The following IGSF10 variants were observed in gnomAD, a reference collection of about 807,000 sequenced individuals.
IGSF10 encodes calvaria mechanical force protein 608.
A neutral mutation model predicts 128.2 loss-of-function variants in IGSF10; 126 were observed. The observed-to-expected ratio is 0.98, with a 90% CI of 0.85 to 1.14. The LOEUF (loss-of-function observed/expected upper bound fraction) is 1.14. Among genes scored for constraint, IGSF10 ranks in the 50% most tolerant of loss-of-function variants. The pLI, the probability that IGSF10 is intolerant of heterozygous loss-of-function variation, is 0.00. For synonymous variants in IGSF10, 1,185 were observed against 1,146.2 expected, an observed-to-expected ratio of 1.03 and a Z score of -0.68; for missense variants, 3,295 against 3,149.8, an observed-to-expected ratio of 1.05 and a Z score of -1.10.
intron 5 of IGSF10, among the ~76,000 whole-genome samples, chr3:151,451,410 T>C (rs1721504154): frequency 6.6e-6 from 1 of 152,232 alleles, no homozygotes. Context: ...CTTATCTGTC[T>C]TCCCATGAAA....
At chr3:151,608,084 A>T in the IGSF10 span, among the ~76,000 whole-genome samples, 1 of 152,158 alleles carries the variant, frequency 6.6e-6, no homozygotes, top group Non-Finnish European at 1.5e-5. Context: ...AAAATTTCTT[A>T]AAAATACCAG....
rs1721916410 is a variant in IGSF10 at position 151,458,628 on chromosome 3, C to A, written c.82G>T (p.Ala28Ser). Reference protein sequence around the residue: ...ICLVATPGGKACPRRCACYMP... With the variant: ...ICLVATPGGKSCPRRCACYMP... ...TAACAGGCACAGCGGCGAGGACAGG[C>A]CTTGCCCCCAGGGGTGGCGACCAGG... is the stretch of plus-strand genomic sequence containing the variant. The change falls in exon 3 of 8, where the codon GCC becomes TCC. Residue 28 changes from alanine to serine, a missense_variant. Ala to Ser is a moderately conservative substitution (Grantham distance 99, BLOSUM62 1). Transcript: ENST00000282466. 1 of 1,614,166 alleles carries A rather than the reference C, an allele frequency of 6.2e-7. No individual in the cohort carries two copies. The highest frequency in any genetic ancestry group is 8.5e-7 in the Non-Finnish European group (1 of 1,180,014).
At position 151,446,542 on chromosome 3, in the gene IGSF10, G is replaced by T; in HGVS notation, c.3439C>A (p.Pro1147Thr). The stretch of plus-strand genomic sequence containing the variant: ...GTTTTTTCCATGGGTATGGATGTTG[G>T]AGCATATGTCATGACTGCACCAGTT... Reference protein sequence around the residue: ...TPTGAVMTYAPTSIPMEKTHK... With the variant: ...TPTGAVMTYATTSIPMEKTHK... The change falls in exon 6 of 8, where the codon CCA becomes ACA. Residue 1147 changes from proline (P) to threonine (T), a missense_variant. Pro to Thr is a conservative substitution (Grantham distance 38). Coordinates refer to ENST00000282466, the MANE Select transcript of IGSF10 (RefSeq NM_178822.5). The T allele has an allele frequency of 6.2e-7, 1 of 1,614,106 alleles. No individual in the cohort carries two copies. The highest frequency in any genetic ancestry group is 8.5e-7 in the Non-Finnish European group (1 of 1,179,986).
chr3:151,516,722 G>T, the IGSF10 span, among the ~76,000 whole-genome samples: 1 of 151,810 alleles, frequency 6.6e-6, no homozygotes, highest in African/African-American at 2.4e-5. Flanking sequence ...AGAGAACATT[G>T]CCTGGAACAT....
the IGSF10 span, among the ~76,000 whole-genome samples, chr3:151,588,451 T>C: frequency 1.3e-5 from 2 of 152,160 alleles, no homozygotes; most frequent in Admixed American, 6.6e-5. Context: ...TTTTTCCCTA[T>C]AGCAAAACTT....
the IGSF10 span, among the ~76,000 whole-genome samples, chr3:151,513,165 A>G: frequency 6.6e-6 from 1 of 152,226 alleles, no homozygotes; most frequent in Admixed American, 6.5e-5. Context: ...CAACAAAAAA[A>G]AGAGAATTTT....
At chr3:151,611,395 G>A in the IGSF10 span, among the ~76,000 whole-genome samples, 20 of 152,222 alleles carry the variant, frequency 1.3e-4, no homozygotes, top group African/African-American at 3.9e-4. Context: ...TTTGCCTGAG[G>A]CCACATGGGC....
the IGSF10 span, among the ~76,000 whole-genome samples, chr3:151,528,484 G>A: frequency 6.6e-6 from 1 of 152,184 alleles, no homozygotes; most frequent in African/African-American, 2.4e-5. Flanking sequence ...GGTGATTTCT[G>A]CATTTCCAAC....
chr3:151,607,968 TC>T, the IGSF10 span, among the ~76,000 whole-genome samples: 1 of 149,284 alleles, frequency 6.7e-6, no homozygotes, highest in Admixed American at 6.7e-5. Context: ...AAAGTAGAGT[TC>T]CTATAGACAT....
rs766257083 is a variant in IGSF10 at position 151,447,638 on chromosome 3, TG to T, written c.2342del (p.Pro781GlnfsTer34). 1 of 1,614,140 alleles carries T rather than the reference TG, an allele frequency of 6.2e-7. No individual in the cohort carries two copies. Among genetic ancestry groups the T allele is most frequent in the East Asian group, 2.2e-5 (1 of 44,882 alleles). ...GTATGTTTGGGAGTTGGGTGACCAC[TG>T]GGGGTGGGCTCACTGTGGTATTTTC... ...KRENTTVSPP[P>X]VVTQLPNIPG... On this transcript the variant is annotated frameshift_variant, in exon 6 of 8. Transcript: ENST00000282466. LOFTEE classifies it high-confidence loss of function.
At chr3:151,612,735 G>A in the IGSF10 span, among the ~76,000 whole-genome samples, 3 of 152,066 alleles carry the variant, frequency 2.0e-5, no homozygotes, top group African/African-American at 7.2e-5. Flanking sequence ...ATCAGATAAA[G>A]ACCAAAAATT....
At chr3:151,460,734 T>G (rs1443195633) in intron 1 of IGSF10, among the ~76,000 whole-genome samples, 2 of 138,034 alleles carry the variant, frequency 1.4e-5, no homozygotes, top group African/African-American at 2.8e-5. Context: ...TCAGTGTGTG[T>G]TTTTTTTTTT....
the IGSF10 span, among the ~76,000 whole-genome samples, chr3:151,487,065 C>T: frequency 2.0e-5 from 3 of 151,030 alleles, no homozygotes; most frequent in Admixed American, 6.6e-5. Flanking sequence ...TTTTAAAGAT[C>T]AACAAAATAG....
chr3:151,455,439 C>T (rs868507567), intron 4 of IGSF10, among the ~76,000 whole-genome samples: 7 of 147,526 alleles, frequency 4.7e-5, no homozygotes, highest in Admixed American at 4.1e-4. Flanking sequence ...CTTTATTTTG[C>T]ACCTTAAAAT....
chr3:151,444,112 A>G (rs2108545029), intron 6 of IGSF10, among the ~76,000 whole-genome samples: 1 of 152,160 alleles, frequency 6.6e-6, no homozygotes, highest in South Asian at 2.1e-4. Context: ...TGTCTCTACA[A>G]ACAAAAAATA....
At chr3:151,573,236 C>G in the IGSF10 span, among the ~76,000 whole-genome samples, 12 of 152,138 alleles carry the variant, frequency 7.9e-5, no homozygotes, top group Non-Finnish European at 1.2e-4. Context: ...CTGTAGATGT[C>G]TAGTAGGTCT....
the IGSF10 span, among the ~76,000 whole-genome samples, chr3:151,539,664 C>T: frequency 6.6e-6 from 1 of 152,122 alleles, no homozygotes; most frequent in East Asian, 1.9e-4. Flanking sequence ...ACCACCCCCA[C>T]CTCCAACACC....
the IGSF10 span, among the ~76,000 whole-genome samples, chr3:151,616,183 C>T: frequency 4.0e-5 from 6 of 151,886 alleles, no homozygotes; most frequent in Non-Finnish European, 5.9e-5. Context: ...AGGCTGGTCT[C>T]GAACTCCCGA....
the IGSF10 span, among the ~76,000 whole-genome samples, chr3:151,484,420 G>A: frequency 2.0e-5 from 3 of 152,252 alleles, no homozygotes; most frequent in African/African-American, 4.8e-5. Context: ...TGAGAGCAGC[G>A]GATCTCTCAG....
Sources: allele counts gnomAD v4.1 joint callset (sites outside exome capture counted in the v4.1 genomes callset), GRCh38; gene constraint gnomAD v4.1.1; transcripts MANE v1.5; gene names NCBI Gene and HGNC (gene_info 2026-07-23, HGNC 2026-07-21).